MACROD1: variants seen among roughly 807,000 people sequenced by gnomAD.
MACROD1 encodes the protein ADP-ribose glycohydrolase MACROD1.
MACROD1 carries 31 observed loss-of-function variants against 41.4 expected under a neutral mutation model. That is an observed-to-expected ratio of 0.75 (90% CI 0.56 to 1.01). MACROD1 has a LOEUF of 1.01. Among genes scored for constraint, MACROD1 ranks in the 50% least tolerant of loss-of-function variants. The probability of loss-of-function intolerance (pLI) is 0.00; values close to 1 mark genes in which losing one functional copy is unlikely to be tolerated. For synonymous variants in MACROD1, 252 were observed against 203.4 expected, an observed-to-expected ratio of 1.24 and a Z score of -2.03; for missense variants, 473 against 460.0, an observed-to-expected ratio of 1.03 and a Z score of -0.26.
chr11:64,001,826 G>T (rs1942830968), intron 4 of MACROD1: 2 of 690,340 alleles, frequency 2.9e-6, no homozygotes, highest in South Asian at 3.0e-5. Flanking sequence ...TGTTCCGAAT[G>T]GGGTGCCGTG....
chr11:64,029,638 C>T (rs903508487), intron 3 of MACROD1, among the ~76,000 whole-genome samples: 1 of 152,128 alleles, frequency 6.6e-6, no homozygotes, highest in African/African-American at 2.4e-5. Context: ...GCCCACCCTG[C>T]GCAGCTGGCC....
chr11:64,029,012 C>T (rs1481958521), intron 3 of MACROD1, among the ~76,000 whole-genome samples: 2 of 152,222 alleles, frequency 1.3e-5, no homozygotes, highest in Non-Finnish European at 2.9e-5. Flanking sequence ...GAGAGGGACC[C>T]TGGACTCAGG....
At chr11:64,129,068 G>A (rs1410492242) in intron 3 of MACROD1, among the ~76,000 whole-genome samples, 1 of 152,262 alleles carries the variant, frequency 6.6e-6, no homozygotes, top group African/African-American at 2.4e-5. Flanking sequence ...CAAATCTGGG[G>A]ACACCTGTGG....
At chr11:64,071,863 G>T (rs1401234471) in intron 3 of MACROD1, among the ~76,000 whole-genome samples, 2 of 152,190 alleles carry the variant, frequency 1.3e-5, no homozygotes, top group Non-Finnish European at 2.9e-5. Flanking sequence ...TGGGCCGTGG[G>T]CAGTAGTGGC....
At chr11:64,031,495 T>TG (rs59437183) in intron 3 of MACROD1, among the ~76,000 whole-genome samples, 2 of 146,708 alleles carry the variant, frequency 1.4e-5, no homozygotes, top group East Asian at 2.0e-4. Flanking sequence ...TTTTTTTTTT[T>TG]GTGACGTAGT....
rs941880462 is a variant in MACROD1, at chr11:64,116,781, G to A, written c.517+34458C>T. ...GTCCACCGTCAGCATTGAGGAGGAC[G>A]CCTTCGCCGACAGCAAACAGCTCAA... On this transcript the variant is annotated intron_variant, in intron 3 of 10. Coordinates refer to ENST00000255681, the MANE Select transcript of MACROD1 (RefSeq NM_014067.4). The A allele has an allele frequency of 1.5e-5, 24 of 1,613,372 alleles. No individual in the cohort carries two copies. Among genetic ancestry groups the A allele is most frequent in the East Asian group, 4.5e-5 (2 of 44,886 alleles).
chr11:64,044,821 G>A (rs1240044974), intron 3 of MACROD1, among the ~76,000 whole-genome samples: 2 of 152,178 alleles, frequency 1.3e-5, no homozygotes, highest in African/African-American at 4.8e-5. Flanking sequence ...CCTCTGAGCT[G>A]TCTCCTGTGG....
chr11:64,001,791 G>T (rs1037928311), intron 4 of MACROD1: 1 of 701,380 alleles, frequency 1.4e-6, no homozygotes, highest in Admixed American at 2.0e-5. Flanking sequence ...CGTCCAGGCT[G>T]GAGCTCCCAG....
At chr11:64,008,078 G>A (rs1015210535) in intron 4 of MACROD1, among the ~76,000 whole-genome samples, 3 of 152,242 alleles carry the variant, frequency 2.0e-5, no homozygotes, top group African/African-American at 7.2e-5. Flanking sequence ...TTGTGAGCCG[G>A]GCAGGAGTCG....
At chr11:64,102,230 G>A (rs192496512) in intron 3 of MACROD1, among the ~76,000 whole-genome samples, 13 of 152,292 alleles carry the variant, frequency 8.5e-5, no homozygotes, top group African/African-American at 2.9e-4. Flanking sequence ...ACACCAGGGC[G>A]CCGCGGCCCT....
rs1286876245 is a variant in MACROD1, at chr11:64,122,181, C to T, written c.517+29058G>A. Reference sequence around the variant, plus strand: ...ACAGACATGATGTGCATCAAAAGCTCCTTTTCTTCCCTTTTCTCCTTCCCC... The same window carrying T: ...ACAGACATGATGTGCATCAAAAGCTTCTTTTCTTCCCTTTTCTCCTTCCCC... On this transcript the variant is annotated intron_variant, in intron 3 of 10. Coordinates refer to ENST00000255681, the MANE Select transcript of MACROD1 (RefSeq NM_014067.4). The surrounding 1 kb of genome is among the most constrained non-coding windows in gnomAD (Gnocchi z 4.0). Among the ~76,000 whole-genome samples, 1 of 152,230 alleles carries T rather than the reference C, an allele frequency of 6.6e-6. No individual in the cohort carries two copies. Among genetic ancestry groups the T allele is most frequent in the African/African-American group, 2.4e-5 (1 of 41,458 alleles).
Position 63,999,699 on chromosome 11 carries a change from G to C in MACROD1, c.729C>G (p.Leu243=), listed in dbSNP as rs1271445046. Residue 243 remains leucine (L), a synonymous_variant, in exon 6 of 11, where the codon CTC becomes CTG. Coordinates refer to ENST00000255681, the MANE Select transcript of MACROD1 (RefSeq NM_014067.4). ...GEPSASQAAE[L]RSCYLSSLDL... Reference sequence around the variant, plus strand: ...CCAGACTGCTCAGGTAGCAGCTGCGGAGCTCGGCAGCCTGACTGGCGCTGG... The same window carrying C: ...CCAGACTGCTCAGGTAGCAGCTGCGCAGCTCGGCAGCCTGACTGGCGCTGG... 3 of 1,609,026 alleles carry C rather than the reference G, an allele frequency of 1.9e-6. No homozygotes were observed. The highest frequency in any genetic ancestry group is 2.5e-6 in the Non-Finnish European group (3 of 1,179,252).
At chr11:64,046,660 C>G (rs1369762070) in intron 3 of MACROD1, among the ~76,000 whole-genome samples, 2 of 151,966 alleles carry the variant, frequency 1.3e-5, no homozygotes, top group African/African-American at 4.8e-5. Flanking sequence ...CCTCTATGCC[C>G]AGCTAATTTT....
intron 3 of MACROD1, among the ~76,000 whole-genome samples, chr11:64,103,032 C>T (rs567958923): frequency 6.6e-6 from 1 of 151,802 alleles, no homozygotes; most frequent in South Asian, 2.1e-4. Context: ...GATTGTGCCA[C>T]TGCACTCTAG....
intron 3 of MACROD1, among the ~76,000 whole-genome samples, chr11:64,021,951 GTGTGAGGTGGCGGCGGGCAGTGGATCT>G (rs1943161641): frequency 3.9e-5 from 1 of 25,572 alleles, no homozygotes; most frequent in Non-Finnish European, 9.5e-5. Flanking sequence ...GGGGGGGGGG[GTGTGAGGTGGCGGCGGGCAGTGGATCT>G]GGAGGGGTGG....
In MACROD1 at chr11:64,152,394, C is replaced by T; in HGVS notation, c.299-1G>A. ...TTGTCACTCAGGCCCTTCAGAAAGG[C>T]TGCAGAGGCAGGAAGGAGGATCAGG... On this transcript the variant is annotated splice_acceptor_variant, in intron 1 of 10. Transcript: ENST00000255681. LOFTEE classifies it high-confidence loss of function. 1.2e-6 allele frequency: 2 copies of T among 1,613,432 alleles called. No homozygotes were observed. The highest frequency in any genetic ancestry group is 1.7e-6 in the Non-Finnish European group (2 of 1,179,302).
At chr11:64,085,791 T>C (rs1045085374) in intron 3 of MACROD1, among the ~76,000 whole-genome samples, 2 of 152,154 alleles carry the variant, frequency 1.3e-5, no homozygotes, top group Non-Finnish European at 2.9e-5. Context: ...AGGCCTCAGT[T>C]TCCTCAGCTG....
chr11:64,090,456 C>T lies in MACROD1; in HGVS notation c.517+60783G>A, dbSNP rs1028849761. Among the ~76,000 whole-genome samples the T allele has an allele frequency of 5.3e-5, 8 of 152,310 alleles. No individual in the cohort carries two copies. Among genetic ancestry groups the T allele is most frequent in the South Asian group, 2.1e-4 (1 of 4,826 alleles). On this transcript the variant is annotated intron_variant, in intron 3 of 10. Transcript: ENST00000255681. The surrounding 1 kb of genome is among the most constrained non-coding windows in gnomAD (Gnocchi z 4.7). ...GCAGCAGTGGGTCGATAATAATTTA[C>T]GAGGCAGCCCCTGAGGTGGAGGAGG...
At chr11:63,999,175 C>T in intron 8 of MACROD1, 139 bp from the exon 9 acceptor site, 1 of 1,311,920 alleles carries the variant, frequency 7.6e-7, no homozygotes. Flanking sequence ...CCATCACCCC[C>T]ATCTCGCCAC....
Sources: allele counts gnomAD v4.1 joint callset (sites outside exome capture counted in the v4.1 genomes callset), GRCh38; gene constraint gnomAD v4.1.1; non-coding constraint Gnocchi (gnomAD v3.1); transcripts MANE v1.5; gene names NCBI Gene and HGNC (gene_info 2026-07-23, HGNC 2026-07-21).